Variants in ZNF79 observed in about 807,000 individuals in gnomAD.
The protein encoded by ZNF79 is ZNFpT7.
In ZNF79, 13 loss-of-function variants were observed where a neutral mutation model predicts 14.9. The observed-to-expected ratio is 0.87, with a 90% CI of 0.57 to 1.38. The LOEUF is 1.38. Ranked by LOEUF, ZNF79 falls within the 40% of genes most tolerant of loss-of-function variation. The probability of loss-of-function intolerance (pLI) is 0.00; values close to 1 mark genes in which losing one functional copy is unlikely to be tolerated. For synonymous variants in ZNF79, 223 were observed against 235.1 expected, an observed-to-expected ratio of 0.95 and a Z score of 0.47; for missense variants, 631 against 630.6, an observed-to-expected ratio of 1.00 and a Z score of -0.01.
In ZNF79 at chr9:127,435,159, C is replaced by T; in HGVS notation, c.175C>T (p.Pro59Ser). 1.9e-6 allele frequency: 3 copies of T among 1,613,320 alleles called. No individual in the cohort carries two copies. The highest frequency in any genetic ancestry group is 2.5e-6 in the Non-Finnish European group (3 of 1,179,614). Residue 59 changes from proline (P) to serine (S), a missense_variant, in exon 3 of 5, where the codon CCA becomes TCA. Transcript: ENST00000342483. Reference sequence around the variant, plus strand: ...AAGGTGGAGGTGCCTCGTGTCTACTCCACGGGACAGGTTCAAGGAGGGGAT... The same window carrying T: ...AAGGTGGAGGTGCCTCGTGTCTACTTCACGGGACAGGTTCAAGGAGGGGAT... Reference protein sequence around the residue: ...QERWRCLVSTPRDRFKEGIPG... With the variant: ...QERWRCLVSTSRDRFKEGIPG...
chr9:127,426,468 G>A (rs903483619), intron 1 of ZNF79, among the ~76,000 whole-genome samples: 13 of 149,180 alleles, frequency 8.7e-5, no homozygotes, highest in Non-Finnish European at 1.5e-4. Flanking sequence ...TCCGCCTCCC[G>A]CGTTCAAGTG....
Position 127,424,956 on chromosome 9 carries a change from C to T in ZNF79, c.16+153C>T, listed in dbSNP as rs935915657. 6 of 1,504,482 alleles carry T rather than the reference C, an allele frequency of 4.0e-6. No individual in the cohort carries two copies. The Admixed American group carries it at 1.3e-4, about 32-fold the overall frequency. 93.2% of individuals were successfully genotyped at this position (1,504,482 alleles called of 1,614,324 possible). On this transcript the variant is annotated intron_variant, in intron 1 of 4. Transcript: ENST00000342483. ...TTTCTTTCTTTGCCCATGACACAGC[C>T]CCAGGAGATCCTGAGAACATGTGCC...
In ZNF79 at chr9:127,445,232, C is replaced by A; in HGVS notation, c.*35C>A. ...TGGTAGAAGTGGAGAGAGTCCCGGA[C>A]ATGCCGACTCAGGACAGGTGGGTGA... is the stretch of plus-strand genomic sequence containing the variant. On this transcript the variant is annotated 3_prime_UTR_variant, in exon 5 of 5. Coordinates refer to ENST00000342483, the MANE Select transcript of ZNF79 (RefSeq NM_007135.3). 6.3e-7 allele frequency: 1 copy of A among 1,598,318 alleles called. No homozygotes were observed.
Position 127,444,810 on chromosome 9 carries a change from C to T in ZNF79, c.1110C>T (p.Phe370=). Residue 370 remains phenylalanine (F), a synonymous_variant, in exon 5 of 5, where the codon TTC becomes TTT. Coordinates refer to ENST00000342483, the MANE Select transcript of ZNF79 (RefSeq NM_007135.3). ...PYRCAACGKA[F]SQSANLTNHQ... is the part of the protein sequence containing the mutation. ...GATGTGCCGCGTGTGGGAAGGCCTT[C>T]AGCCAGAGTGCAAACCTCACAAACC... 1.9e-6 allele frequency: 3 copies of T among 1,609,322 alleles called. No homozygotes were observed. Among genetic ancestry groups the T allele is most frequent in the Non-Finnish European group, 2.6e-6 (3 of 1,175,982 alleles).
chr9:127,439,270 C>T (rs1321917570), intron 4 of ZNF79, among the ~76,000 whole-genome samples: 1 of 151,906 alleles, frequency 6.6e-6, no homozygotes, highest in Non-Finnish European at 1.5e-5. Context: ...ACACATAATC[C>T]CTGCTTGCCA....
At chr9:127,443,900 CAA>C (rs34006666) in intron 4 of ZNF79, 127 bp from the exon 5 acceptor site, 21,035 of 342,004 alleles carry the variant, frequency 0.062, no homozygotes, top group Middle Eastern at 0.076. Flanking sequence ...GACTCCGTCT[CAA>C]AAAAAAAAAA....
chr9:127,443,361 GCTGTGA>G (rs1834083997), intron 4 of ZNF79, among the ~76,000 whole-genome samples: 1 of 152,200 alleles, frequency 6.6e-6, no homozygotes, highest in Non-Finnish European at 1.5e-5. Context: ...GCTGCAGTGA[GCTGTGA>G]CTGTGCCACC....
chr9:127,439,201 AC>A (rs34312937), intron 4 of ZNF79, among the ~76,000 whole-genome samples: 86,128 of 150,754 alleles, frequency 0.57, 24,816 homozygotes, highest in Middle Eastern at 0.62. Flanking sequence ...ACACACACAC[AC>A]ACAACGCGCA....
Position 127,424,612 on chromosome 9 carries a change from G to A in ZNF79, c.-176G>A. ...ACACCCGGCTGGGCAGGCCCGGACA[G>A]CTCCCGCGACCCAGCACCGCAGGAT... On this transcript the variant is annotated 5_prime_UTR_variant, in exon 1 of 5. Transcript: ENST00000342483. 2.2e-6 allele frequency: 2 copies of A among 908,688 alleles called. No homozygotes were observed. The highest frequency in any genetic ancestry group is 2.7e-5 in the East Asian group (1 of 37,006). The allele number at this position is 908,688 out of a possible 1,614,324, so 56.3% of individuals were successfully genotyped here. A position where few individuals can be genotyped will look rare whatever the true frequency, so the allele number is the denominator to read the frequency against.
intron 4 of ZNF79, among the ~76,000 whole-genome samples, chr9:127,441,617 G>C (rs557300709): frequency 7.9e-5 from 12 of 152,098 alleles, no homozygotes; most frequent in East Asian, 7.8e-4. Context: ...TTCGAGACCA[G>C]CCTGACCAAC....
chr9:127,444,980 G>A lies in ZNF79; in HGVS notation c.1280G>A (p.Ser427Asn). Residue 427 changes from serine (S) to asparagine (N), a missense_variant, in exon 5 of 5, where the codon AGT (serine) becomes AAT (asparagine). Coordinates refer to ENST00000342483, the MANE Select transcript of ZNF79 (RefSeq NM_007135.3). ...TGTAATGAATGTGGGAAATTCTTCA[G>A]TGAGAGCTCAGCCCTCATTCGGCAT... ...YKCNECGKFF[S>N]ESSALIRHHI... 6.2e-7 allele frequency: 1 copy of A among 1,614,244 alleles called. No individual in the cohort carries two copies. The highest frequency in any genetic ancestry group is 8.5e-7 in the Non-Finnish European group (1 of 1,180,046).
intron 1 of ZNF79, among the ~76,000 whole-genome samples, chr9:127,426,050 G>C (rs1421686370): frequency 1.3e-5 from 2 of 152,224 alleles, no homozygotes; most frequent in African/African-American, 4.8e-5. Flanking sequence ...TGTCAGGTTA[G>C]ATAACTCTCA....
chr9:127,437,341 C>G (rs1833967789), intron 4 of ZNF79, among the ~76,000 whole-genome samples: 1 of 150,878 alleles, frequency 6.6e-6, no homozygotes, highest in South Asian at 2.1e-4. Context: ...TCTCAAGGCC[C>G]CCCCCCGCTG....
chr9:127,431,486 C>T (rs901451733), intron 2 of ZNF79, among the ~76,000 whole-genome samples: 7 of 152,030 alleles, frequency 4.6e-5, no homozygotes, highest in Non-Finnish European at 1.0e-4. Flanking sequence ...TAACGTCAGG[C>T]GATCCTCCTG....
chr9:127,434,359 A>G (rs947394089), intron 2 of ZNF79, among the ~76,000 whole-genome samples: 1 of 152,200 alleles, frequency 6.6e-6, no homozygotes, highest in East Asian at 1.9e-4. Flanking sequence ...CTGCATTCAC[A>G]GAAATATTTG....
At chr9:127,429,487 AT>A (rs10718320) in intron 2 of ZNF79, among the ~76,000 whole-genome samples, 126,238 of 141,168 alleles carry the variant, frequency 0.89, 56,454 homozygotes, top group Non-Finnish European at 0.92. Flanking sequence ...TGCCTAGCTA[AT>A]TTTTTTTTTT....
chr9:127,435,817 G>A (rs1451620565), intron 3 of ZNF79, 91 bp from the exon 4 acceptor site: 1 of 985,660 alleles, frequency 1.0e-6, no homozygotes, highest in Non-Finnish European at 1.6e-6. Flanking sequence ...GAAATGAACA[G>A]TCCAACTGGC....
chr9:127,436,822 C>T (rs1293809975), intron 4 of ZNF79, among the ~76,000 whole-genome samples: 1 of 151,992 alleles, frequency 6.6e-6, no homozygotes, highest in Non-Finnish European at 1.5e-5. Flanking sequence ...TTGGGGAGGC[C>T]GAGGCAGGTG....
At chr9:127,429,314 C>G (rs1433846466) in intron 2 of ZNF79, among the ~76,000 whole-genome samples, 2 of 150,594 alleles carry the variant, frequency 1.3e-5, no homozygotes, top group Non-Finnish European at 3.0e-5. Flanking sequence ...CTGTGGTTGG[C>G]CTGTTTTATT....
Sources: gnomAD v4.1 joint callset for allele counts (sites outside exome capture counted in the v4.1 genomes callset) on GRCh38, gnomAD v4.1.1 for gene constraint, MANE v1.5 for transcripts, NCBI Gene and HGNC (gene_info 2026-07-23, HGNC 2026-07-21) for gene names.